Variants in SLIT1 observed in about 807,000 individuals in gnomAD.
The protein encoded by SLIT1 is slit homolog 1 protein.
Under a neutral mutation model 186.1 loss-of-function variants are expected in SLIT1, and 66 were observed. The observed-to-expected ratio is 0.35, with a 90% CI of 0.29 to 0.44. The LOEUF (loss-of-function observed/expected upper bound fraction) is 0.44, where lower values mean the gene tolerates loss of function less well. SLIT1 is among the 20% of genes least tolerant of loss of function. The probability of loss-of-function intolerance (pLI) is 1.00; values close to 1 mark genes in which losing one functional copy is unlikely to be tolerated. For synonymous variants in SLIT1, 761 were observed against 833.8 expected, an observed-to-expected ratio of 0.91 and a Z score of 1.50; for missense variants, 1,638 against 2,037.4, an observed-to-expected ratio of 0.80 and a Z score of 3.77.
intron 1 of SLIT1, among the ~76,000 whole-genome samples, chr10:97,167,438 T>C (rs1850135342): frequency 6.6e-6 from 1 of 152,222 alleles, no homozygotes; most frequent in Non-Finnish European, 1.5e-5. Flanking sequence ...GTTTTTCTAT[T>C]ATAAAAATAT....
chr10:97,005,400 T>C (rs1485862223), intron 32 of SLIT1, among the ~76,000 whole-genome samples: 5 of 152,216 alleles, frequency 3.3e-5, no homozygotes, highest in Admixed American at 3.3e-4. Context: ...CCCTGCCTTG[T>C]CCTGCTCCCT....
At chr10:97,114,887 C>G (rs544733885) in intron 4 of SLIT1, among the ~76,000 whole-genome samples, 1 of 152,306 alleles carries the variant, frequency 6.6e-6, no homozygotes, top group African/African-American at 2.4e-5. Flanking sequence ...AATAATAATT[C>G]CAGCCTCATA....
chr10:97,095,275 T>G (rs140513096), intron 4 of SLIT1, among the ~76,000 whole-genome samples: 1,867 of 152,130 alleles, frequency 0.012, 16 homozygotes, highest in Non-Finnish European at 0.022. Context: ...AGAGCAAAAC[T>G]CCTTCTCAAA....
rs368072590 is a variant in SLIT1 at position 97,037,682 on chromosome 10, C to A, written c.2366+16G>T. 9 of 1,600,682 alleles carry A rather than the reference C, an allele frequency of 5.6e-6. No homozygotes were observed. In the East Asian group the frequency reaches 1.6e-4, roughly 28 times the overall value. On this transcript the variant is annotated intron_variant, in intron 22 of 36. Transcript: ENST00000266058. ...TGCCAAAGGCCCTCCTGTCCTCAAG[C>A]GGCCTGGATACTTACACGAGCTGCA...
intron 28 of SLIT1, 89 bp downstream of exon 28, chr10:97,018,497 G>T: frequency 1.3e-6 from 1 of 790,230 alleles, no homozygotes. Flanking sequence ...CAGGAGGCCT[G>T]GGCCATCCCT....
chr10:97,121,772 A>T (rs2134688008), intron 4 of SLIT1, among the ~76,000 whole-genome samples: 1 of 152,248 alleles, frequency 6.6e-6, no homozygotes. Flanking sequence ...TCATCTGCCC[A>T]TTCCTGCCTC....
At chr10:97,012,183 A>T (rs1462226993) in intron 30 of SLIT1, among the ~76,000 whole-genome samples, 1 of 151,824 alleles carries the variant, frequency 6.6e-6, no homozygotes, top group East Asian at 1.9e-4. Flanking sequence ...TTATTATATA[A>T]GATGGCATGT....
Position 97,014,060 on chromosome 10 carries a change from C to T in SLIT1, c.3068G>A (p.Gly1023Asp), listed in dbSNP as rs1180677679. The T allele has an allele frequency of 6.2e-7, 1 of 1,613,804 alleles. No homozygotes were observed. The highest frequency in any genetic ancestry group is 2.2e-5 in the East Asian group (1 of 44,876). ...ACANGGVCVD[G>D]VGNYTCQCPL... ...GCACTGGCAGGTGTAGTTGCCCACACCATCCACACAGACGCCCCCATTGGC... is the reference window on the plus strand; with the variant it reads ...GCACTGGCAGGTGTAGTTGCCCACATCATCCACACAGACGCCCCCATTGGC... The change falls in exon 29 of 37, where the codon GGT becomes GAT. Residue 1023 changes from glycine (G) to aspartate (D), a missense_variant. Gly to Asp is a moderately conservative substitution (Grantham distance 94). This residue lies in a region of SLIT1 where 1,245 missense variants were observed against 1,535.3 expected (regional missense o/e 0.81). Transcript: ENST00000266058.
intron 4 of SLIT1, among the ~76,000 whole-genome samples, chr10:97,089,329 C>G (rs193004188): frequency 3.4e-4 from 52 of 152,330 alleles, no homozygotes; most frequent in Admixed American, 3.3e-3. Flanking sequence ...AGCCTTGGGA[C>G]TTCGCTTTTT....
intron 13 of SLIT1, 148 bp downstream of exon 13, chr10:97,056,172 TA>T: frequency 1.3e-6 from 1 of 792,374 alleles, no homozygotes; most frequent in Non-Finnish European, 2.0e-6. Context: ...TAGGACGGTC[TA>T]ACCCAGGTCT....
chr10:97,101,355 C>T (rs1849351824), intron 4 of SLIT1: 1 of 152,226 alleles, frequency 6.6e-6, no homozygotes, highest in Non-Finnish European at 1.5e-5. Flanking sequence ...ACTTACCTCT[C>T]CCCTCCTGGA....
rs1365954677 is a variant in SLIT1 at position 97,033,853 on chromosome 10, C to CTGTTCTAT, written c.2438+610_2438+617dup. ...ATCAGGAAGGGACAAGGTGCTAGCACTGTTCTATTTTTTTTTTTTTTTTTT... is the reference window on the plus strand; with the variant it reads ...ATCAGGAAGGGACAAGGTGCTAGCACTGTTCTATTGTTCTATTTTTTTTTTTTTTTTTT... On this transcript the variant is annotated intron_variant, in intron 23 of 36. Coordinates refer to ENST00000266058, the MANE Select transcript of SLIT1 (RefSeq NM_003061.3). 6.1e-5 allele frequency among the ~76,000 whole-genome samples: 9 copies of CTGTTCTAT among 147,386 alleles called. No individual in the cohort carries two copies. The Admixed American group carries it at 6.1e-4, about 10-fold the overall frequency.
chr10:97,137,783 G>T (rs115829921), intron 4 of SLIT1, among the ~76,000 whole-genome samples: 3,190 of 152,110 alleles, frequency 0.021, 95 homozygotes, highest in African/African-American at 0.073. Context: ...ACGGGGTTTT[G>T]TCATGTTGCC....
intron 4 of SLIT1, among the ~76,000 whole-genome samples, chr10:97,119,945 A>ATATATATATATATG (rs1423950271): frequency 2.2e-5 from 3 of 135,558 alleles, no homozygotes; most frequent in Non-Finnish European, 3.2e-5. Context: ...ATATATATAT[A>ATATATATATATATG]TGTATATGTA....
intron 4 of SLIT1, among the ~76,000 whole-genome samples, chr10:97,096,577 C>T (rs1849292584): frequency 6.6e-6 from 1 of 152,160 alleles, no homozygotes; most frequent in South Asian, 2.1e-4. Context: ...TCACGGAGCC[C>T]GAGCAGGAGG....
chr10:97,067,919 C>T (rs1246916166), intron 4 of SLIT1, among the ~76,000 whole-genome samples: 1 of 152,206 alleles, frequency 6.6e-6, no homozygotes, highest in Non-Finnish European at 1.5e-5. Context: ...CCCCGCCGCA[C>T]ACCGCCCCTT....
At chr10:97,089,713 C>G (rs1160630270) in intron 4 of SLIT1, among the ~76,000 whole-genome samples, 2 of 151,770 alleles carry the variant, frequency 1.3e-5, no homozygotes, top group Non-Finnish European at 2.9e-5. Context: ...GCTGAGGGAT[C>G]AAGGCCAGCA....
intron 1 of SLIT1, among the ~76,000 whole-genome samples, chr10:97,177,394 C>T (rs1850270917): frequency 6.6e-6 from 1 of 152,212 alleles, no homozygotes; most frequent in South Asian, 2.1e-4. Flanking sequence ...CCACGCCGTT[C>T]CCACTTACTC....
At chr10:97,160,778 C>A (rs947336411) in intron 3 of SLIT1, among the ~76,000 whole-genome samples, 6 of 152,158 alleles carry the variant, frequency 3.9e-5, no homozygotes, top group African/African-American at 1.4e-4. Flanking sequence ...TGGACTGCAG[C>A]GGCATGATCT....
Sources: allele counts gnomAD v4.1 joint callset (sites outside exome capture counted in the v4.1 genomes callset), GRCh38; gene constraint gnomAD v4.1.1; regional missense constraint gnomAD v4.1.1; transcripts MANE v1.5; gene names NCBI Gene and HGNC (gene_info 2026-07-23, HGNC 2026-07-21).